DDX4: variants seen among roughly 807,000 people sequenced by gnomAD.
DDX4 encodes DEAD-box helicase 4.
Under a neutral mutation model 100.0 loss-of-function variants are expected in DDX4, and 25 were observed. That is an observed-to-expected ratio of 0.25 (90% CI 0.18 to 0.35). The LOEUF is 0.35. Ranked by LOEUF, DDX4 falls within the 10% of genes least tolerant of loss-of-function variation. The pLI, the probability that DDX4 is intolerant of heterozygous loss-of-function variation, is 1.00. For synonymous variants in DDX4, 259 were observed against 275.7 expected, an observed-to-expected ratio of 0.94 and a Z score of 0.60; for missense variants, 635 against 882.4, an observed-to-expected ratio of 0.72 and a Z score of 3.55.
intron 13 of DDX4, among the ~76,000 whole-genome samples, chr5:55,786,080 T>C (rs557306293): frequency 6.6e-6 from 1 of 152,310 alleles, no homozygotes; most frequent in African/African-American, 2.4e-5. Flanking sequence ...CCACTCCCCA[T>C]ACCAGGATGA....
rs754914430 is a variant in DDX4, at chr5:55,764,064, G to A, written c.334G>A (p.Glu112Lys). 1 of 1,604,634 alleles carries A rather than the reference G, an allele frequency of 6.2e-7. No individual in the cohort carries two copies. Among genetic ancestry groups the A allele is most frequent in the Non-Finnish European group, 8.5e-7 (1 of 1,171,912 alleles). ...EDGDSSGFWRESSNDCEDNPT... is the reference protein window; with the variant it reads ...EDGDSSGFWRKSSNDCEDNPT... ...TGGTGATAGCTCTGGTTTCTGGAGA[G>A]GTAAGGTTGATATTTTTGTGTTTTA... is the stretch of plus-strand genomic sequence containing the variant. The change falls in exon 6 of 22, where the codon GAG (glutamate) becomes AAG (lysine). Residue 112 changes from glutamate to lysine, a missense_variant and splice_region_variant. By Grantham distance (56) the Glu-to-Lys change is moderately conservative. Around this residue, in one of 4 missense-constraint regions of DDX4, gnomAD observed 446 missense variants for 540.8 expected, o/e 0.82. Transcript: ENST00000505374.
intron 2 of DDX4, chr5:55,742,341 A>G (rs1162300913): frequency 3.3e-6 from 1 of 301,940 alleles, no homozygotes; most frequent in Non-Finnish European, 7.2e-6. Flanking sequence ...TATAGTGATC[A>G]CTTCTGTCTG....
chr5:55,756,091 C>T (rs979580986), intron 3 of DDX4, among the ~76,000 whole-genome samples: 4 of 151,758 alleles, frequency 2.6e-5, no homozygotes, highest in Admixed American at 6.6e-5. Flanking sequence ...GTAAATATAC[C>T]GTAAATTAAA....
rs141348314 is a variant in DDX4 at position 55,784,820 on chromosome 5, T to C, written c.626-477T>C. Among the ~76,000 whole-genome samples, 137 of 152,370 alleles carry C rather than the reference T, an allele frequency of 9.0e-4. No individual in the cohort carries two copies. In the Middle Eastern group the frequency reaches 0.01, roughly 11 times the overall value. On this transcript the variant is annotated intron_variant, in intron 10 of 21. Transcript: ENST00000505374. ...ATTGCTGGGAGAACTAAGCACATCC[T>C]GTGTGACTGCAGTAGAAGACACTTG...
intron 3 of DDX4, among the ~76,000 whole-genome samples, chr5:55,751,162 T>C (rs912702105): frequency 1.3e-5 from 2 of 152,252 alleles, no homozygotes; most frequent in African/African-American, 4.8e-5. Flanking sequence ...GTCCCTATAT[T>C]CCCACCAACA....
chr5:55,761,851 C>G (rs1272765835), intron 4 of DDX4, among the ~76,000 whole-genome samples: 1 of 152,078 alleles, frequency 6.6e-6, no homozygotes, highest in Non-Finnish European at 1.5e-5. Context: ...CTCAGGTGAT[C>G]CACCTGCCTC....
At chr5:55,798,230 T>C (rs563201821) in intron 17 of DDX4, among the ~76,000 whole-genome samples, 196 bp from the exon 18 acceptor site, 3 of 152,354 alleles carry the variant, frequency 2.0e-5, no homozygotes, top group East Asian at 1.9e-4. Flanking sequence ...CTAGTAGTTA[T>C]GTATTTTGCA....
intron 3 of DDX4, among the ~76,000 whole-genome samples, chr5:55,759,747 T>C (rs2111773065): frequency 6.6e-6 from 1 of 152,340 alleles, no homozygotes; most frequent in South Asian, 2.1e-4. Flanking sequence ...GAAATTCATG[T>C]TACTGTACTT....
At chr5:55,803,648 A>T (rs1437173260) in intron 18 of DDX4, among the ~76,000 whole-genome samples, 1 of 151,734 alleles carries the variant, frequency 6.6e-6, no homozygotes, top group Non-Finnish European at 1.5e-5. Context: ...CCTACAAAGG[A>T]CATGAACTCA....
In DDX4 at chr5:55,816,670, T is replaced by TA. The variant is rs577314852; in HGVS notation, c.*140dup. Reference sequence around the variant, plus strand: ...GTCCTTGTATTCTCACTCCTACACTTAAAAAAAAAATCCTTACTGACTAGT... The same window carrying TA: ...GTCCTTGTATTCTCACTCCTACACTTAAAAAAAAAAATCCTTACTGACTAGT... On this transcript the variant is annotated 3_prime_UTR_variant, in exon 22 of 22. Coordinates refer to ENST00000505374, the MANE Select transcript of DDX4 (RefSeq NM_024415.3). 1,210 of 1,293,916 alleles carry TA rather than the reference T, an allele frequency of 9.4e-4. No homozygotes were observed. The highest frequency in any genetic ancestry group is 1.7e-3 in the South Asian group (97 of 55,802). The allele number at this position is 1,293,916 out of a possible 1,614,324, so 80.2% of individuals were successfully genotyped here.
intron 7 of DDX4, among the ~76,000 whole-genome samples, chr5:55,773,884 A>G (rs1741401218): frequency 6.6e-6 from 1 of 152,062 alleles, no homozygotes; most frequent in Non-Finnish European, 1.5e-5. Flanking sequence ...TCAGCCTCCC[A>G]AAGTGCTGGG....
chr5:55,783,401 A>G (rs1160446836), intron 10 of DDX4, among the ~76,000 whole-genome samples: 1 of 152,132 alleles, frequency 6.6e-6, no homozygotes, highest in Non-Finnish European at 1.5e-5. Flanking sequence ...AAAATGTTAC[A>G]TCTCATTAGC....
chr5:55,798,700 T>C (rs901522684), intron 18 of DDX4, 129 bp downstream of exon 18: 3 of 750,314 alleles, frequency 4.0e-6, no homozygotes, highest in Non-Finnish European at 3.8e-6. Context: ...CCTCTAAAGC[T>C]CTTTTATAAA....
chr5:55,753,814 T>G lies in DDX4; in HGVS notation c.128-6386T>G, dbSNP rs1759738166. ...TCTTCCTACCCATGAGCATGGAATG[T>G]TCTTCCATTTGTTTGTATCCTCTTT... On this transcript the variant is annotated intron_variant, in intron 3 of 21. Transcript: ENST00000505374. 4.5e-5 allele frequency among the ~76,000 whole-genome samples: 6 copies of G among 132,204 alleles called. No individual in the cohort carries two copies. In the South Asian group the frequency reaches 1.7e-3, roughly 38 times the overall value. 86.7% of individuals were successfully genotyped at this position (132,204 alleles called of 152,430 possible).
chr5:55,806,767 A>G (rs1743751954), intron 18 of DDX4, among the ~76,000 whole-genome samples: 1 of 152,170 alleles, frequency 6.6e-6, no homozygotes, highest in South Asian at 2.1e-4. Context: ...TTTTGGAATA[A>G]GTGCGGTGTG....
At chr5:55,792,556 G>GT (rs1742647021) in intron 16 of DDX4, 85 bp from the exon 17 acceptor site, 2 of 663,014 alleles carry the variant, frequency 3.0e-6, no homozygotes, top group Non-Finnish European at 4.3e-6. Context: ...TTTCTTAACA[G>GT]TATTTTAACA....
intron 1 of DDX4, 27 bp from the exon 2 acceptor site, chr5:55,738,923 T>G (rs1758834533): frequency 8.1e-7 from 1 of 1,236,466 alleles, no homozygotes; most frequent in Admixed American, 1.7e-5. Context: ...TGAGTCCAAA[T>G]GTGCATTTTT....
At chr5:55,776,420 TAGAG>T (rs1375344073) in intron 7 of DDX4, among the ~76,000 whole-genome samples, 13 of 152,224 alleles carry the variant, frequency 8.5e-5, no homozygotes, top group African/African-American at 2.6e-4. Flanking sequence ...TTTCCAGAGT[TAGAG>T]AGGCACAAGA....
Position 55,816,079 on chromosome 5 carries a change from C to T in DDX4, c.2098-384C>T, listed in dbSNP as rs578089161. Among the ~76,000 whole-genome samples the T allele has an allele frequency of 9.7e-4, 147 of 152,172 alleles. No homozygotes were observed. The Middle Eastern group carries it at 0.01, about 11-fold the overall frequency. Reference sequence around the variant, plus strand: ...GAGATTACAGGCGTGAGCCACTGCGCCCAGCCACGAGGCTACAAGTCTTTT... The same window carrying T: ...GAGATTACAGGCGTGAGCCACTGCGTCCAGCCACGAGGCTACAAGTCTTTT... On this transcript the variant is annotated intron_variant, in intron 21 of 21. Coordinates refer to ENST00000505374, the MANE Select transcript of DDX4 (RefSeq NM_024415.3).
Sources: gnomAD v4.1 joint callset for allele counts (sites outside exome capture counted in the v4.1 genomes callset) on GRCh38, gnomAD v4.1.1 for gene constraint, gnomAD v4.1.1 regional missense constraint, MANE v1.5 for transcripts, NCBI Gene and HGNC (gene_info 2026-07-23, HGNC 2026-07-21) for gene names.